The following TWIST2 variants were observed in gnomAD, a reference collection of about 807,000 sequenced individuals.
TWIST2 encodes the protein twist-related protein 2.
A neutral mutation model predicts 11.6 loss-of-function variants in TWIST2; 1 was observed. The observed-to-expected ratio is 0.09, with a 90% confidence interval of 0.03 to 0.41. The LOEUF (loss-of-function observed/expected upper bound fraction) is 0.41. Ranked by LOEUF, TWIST2 falls within the 10% of genes least tolerant of loss-of-function variation. The pLI is 0.98. For synonymous variants in TWIST2, 87 were observed against 96.6 expected, an observed-to-expected ratio of 0.90 and a Z score of 0.58; for missense variants, 168 against 226.4, an observed-to-expected ratio of 0.74 and a Z score of 1.66.
chr2:238,878,805 G>A (rs1355323727), intron 1 of TWIST2, among the ~76,000 whole-genome samples: 2 of 152,148 alleles, frequency 1.3e-5, no homozygotes, highest in African/African-American at 2.4e-5. Flanking sequence ...CCCAGCAGTG[G>A]GGGGTCCGTG....
chr2:238,853,382 GGAGAGAGAGAGAGA>G (rs374173009), intron 1 of TWIST2, among the ~76,000 whole-genome samples: 2 of 140,020 alleles, frequency 1.4e-5, no homozygotes, highest in African/African-American at 5.3e-5. Context: ...GAGGAGGGAG[GGAGAGAGAGAGAGA>G]GAGAGAGGGA....
At chr2:238,879,127 C>T (rs771862303) in intron 1 of TWIST2, among the ~76,000 whole-genome samples, 19 of 152,220 alleles carry the variant, frequency 1.2e-4, no homozygotes, top group Non-Finnish European at 2.5e-4. Context: ...GGACACACAG[C>T]CTTCCTGGCT....
intron 1 of TWIST2, among the ~76,000 whole-genome samples, chr2:238,870,589 C>A (rs1692661992): frequency 1.2e-5 from 1 of 82,844 alleles, no homozygotes; most frequent in African/African-American, 5.1e-5. Context: ...ACACACACAC[C>A]ACACACCCCA....
At chr2:238,899,957 CT>C (rs1217999557) in intron 1 of TWIST2, among the ~76,000 whole-genome samples, 1 of 149,380 alleles carries the variant, frequency 6.7e-6, no homozygotes, top group Non-Finnish European at 1.5e-5. Context: ...AAAATAAAGT[CT>C]TTACAAAGAA....
At position 238,909,832 on chromosome 2, in the gene TWIST2, T is replaced by C. The variant is rs1693423937; in HGVS notation, c.*36-10T>C. On this transcript the variant is annotated splice_polypyrimidine_tract_variant and intron_variant, in intron 1 of 1. Coordinates refer to ENST00000612363, the MANE Select transcript of TWIST2 (RefSeq NM_001271893.4). ...GCCGTAGCTCACGGTCCCCCTTCCGTATCTTCCAGGCTGTCCGTCGCGTCG... is the reference window on the plus strand; with the variant it reads ...GCCGTAGCTCACGGTCCCCCTTCCGCATCTTCCAGGCTGTCCGTCGCGTCG... 1.3e-5 allele frequency: 2 copies of C among 152,266 alleles called. No individual in the cohort carries two copies. Among genetic ancestry groups the C allele is most frequent in the African/African-American group, 4.8e-5 (2 of 41,456 alleles). 9.4% of individuals were successfully genotyped at this position (152,266 alleles called of 1,614,324 possible). A position where few individuals can be genotyped will look rare whatever the true frequency, so the allele number is the denominator to read the frequency against.
chr2:238,880,460 G>C (rs1692896812), intron 1 of TWIST2, among the ~76,000 whole-genome samples: 1 of 110,268 alleles, frequency 9.1e-6, no homozygotes, highest in Admixed American at 1.0e-4. Flanking sequence ...GTATTTATTA[G>C]TATTAGTTAC....
chr2:238,902,980 G>GTGTGATGTGGA (rs1449422562), intron 1 of TWIST2, among the ~76,000 whole-genome samples: 2 of 35,778 alleles, frequency 5.6e-5, no homozygotes, highest in Admixed American at 2.4e-4. Context: ...GTGTGATGTG[G>GTGTGATGTGGA]GTGTGTGATG....
chr2:238,884,713 G>T (rs1693000375), intron 1 of TWIST2, among the ~76,000 whole-genome samples: 1 of 152,186 alleles, frequency 6.6e-6, no homozygotes, highest in Non-Finnish European at 1.5e-5. Context: ...GCTGTCCCAC[G>T]GTCCAGCAGA....
In TWIST2 at chr2:238,899,952, A is replaced by T. The variant is rs1300605913; in HGVS notation, c.*36-9890A>T. ...GGAACCTGAAGTGCTCTAAAAAAAT[A>T]AAGTCTTTACAAAGAAAGAAAGAAA... On this transcript the variant is annotated intron_variant, in intron 1 of 1. Transcript: ENST00000612363. Among the ~76,000 whole-genome samples the T allele has an allele frequency of 2.6e-5, 4 of 151,798 alleles. No homozygotes were observed. In the South Asian group the frequency reaches 6.3e-4, roughly 24 times the overall value.
rs1394858645 is a variant in TWIST2, at chr2:238,864,449, A to C, written c.*35+15716A>C. On this transcript the variant is annotated intron_variant, in intron 1 of 1. Transcript: ENST00000612363. This position sits in a 1 kb window ranked among gnomAD's most constrained non-coding sequence, Gnocchi z 4.7. The stretch of plus-strand genomic sequence containing the variant: ...GTGGCTTTTTGTCCTCTGGCTGTGC[A>C]AATAAACAGAGCAGGAAGGTTTGAA... 6.6e-6 allele frequency among the ~76,000 whole-genome samples: 1 copy of C among 152,080 alleles called. No homozygotes were observed. Among genetic ancestry groups the C allele is most frequent in the Non-Finnish European group, 1.5e-5 (1 of 68,030 alleles).
chr2:238,848,282 G>C lies in TWIST2; in HGVS notation c.67G>C (p.Glu23Gln). 1 of 1,530,734 alleles carries C rather than the reference G, an allele frequency of 6.5e-7. No homozygotes were observed. Among genetic ancestry groups the C allele is most frequent in the Non-Finnish European group, 8.7e-7 (1 of 1,143,404 alleles). 94.8% of individuals were successfully genotyped at this position (1,530,734 alleles called of 1,614,324 possible). Residue 23 changes from glutamate (E) to glutamine (Q), a missense_variant, in exon 1 of 2, where the codon GAG (glutamate) becomes CAG (glutamine). Glu to Gln is a conservative substitution (Grantham distance 29). This residue lies in a region of TWIST2 where 83 missense variants were observed against 92.7 expected (regional missense o/e 0.90). Coordinates refer to ENST00000612363, the MANE Select transcript of TWIST2 (RefSeq NM_001271893.4). Reference protein sequence around the residue: ...DSLGTSEEELERQPKRFGRKR... With the variant: ...DSLGTSEEELQRQPKRFGRKR... ...CCTGGGCACCAGCGAGGAGGAGCTCGAGAGGCAGCCCAAGCGCTTCGGCCG... is the reference window on the plus strand; with the variant it reads ...CCTGGGCACCAGCGAGGAGGAGCTCCAGAGGCAGCCCAAGCGCTTCGGCCG...
chr2:238,909,296 CGT>C (rs1421203866), intron 1 of TWIST2, among the ~76,000 whole-genome samples: 1 of 151,596 alleles, frequency 6.6e-6, no homozygotes, highest in Non-Finnish European at 1.5e-5. Flanking sequence ...TGCAACTTCC[CGT>C]GTGTCTGCAA....
In TWIST2 at chr2:238,859,212, C is replaced by CAAA. The variant is rs544641770; in HGVS notation, c.*35+10494_*35+10496dup. Among the ~76,000 whole-genome samples the CAAA allele has an allele frequency of 1.3e-4, 18 of 139,610 alleles. No individual in the cohort carries two copies. The East Asian group carries it at 2.1e-3, about 16-fold the overall frequency. 91.6% of individuals were successfully genotyped at this position (139,610 alleles called of 152,430 possible). On this transcript the variant is annotated intron_variant, in intron 1 of 1. Transcript: ENST00000612363. ...AGGCAACAAGAGCGACACTCCGTCT[C>CAAA]AAAAAAAAAAAAAAAAAGTGTAATA...
At chr2:238,876,183 G>A (rs1038986105) in intron 1 of TWIST2, among the ~76,000 whole-genome samples, 26 of 152,202 alleles carry the variant, frequency 1.7e-4, no homozygotes, top group Non-Finnish European at 2.4e-4. Flanking sequence ...GTTCAGGAAC[G>A]GCTGAACCTC....
At chr2:238,870,458 C>G (rs1574754555) in intron 1 of TWIST2, among the ~76,000 whole-genome samples, 1 of 123,630 alleles carries the variant, frequency 8.1e-6, no homozygotes, top group African/African-American at 3.1e-5. Context: ...CCCACACACA[C>G]CACACACCCG....
At chr2:238,879,051 T>C (rs1021417479) in intron 1 of TWIST2, among the ~76,000 whole-genome samples, 1 of 152,248 alleles carries the variant, frequency 6.6e-6, no homozygotes, top group African/African-American at 2.4e-5. Context: ...ATGTATGCTT[T>C]ATACAGAGAA....
intron 1 of TWIST2, among the ~76,000 whole-genome samples, chr2:238,909,112 TATGTGGGGTGGG>T (rs1693409203): frequency 3.8e-4 from 15 of 39,664 alleles, no homozygotes; most frequent in Non-Finnish European, 6.8e-4. Context: ...GGTGTGTGTG[TATGTGGGGTGGG>T]GTGTGTTCGT....
intron 1 of TWIST2, among the ~76,000 whole-genome samples, chr2:238,898,226 T>A (rs1354228573): frequency 6.6e-6 from 1 of 152,210 alleles, no homozygotes; most frequent in Non-Finnish European, 1.5e-5. Flanking sequence ...TCTAACCAGC[T>A]GTGTGACATA....
chr2:238,883,821 T>C (rs1195885452), intron 1 of TWIST2, among the ~76,000 whole-genome samples: 1 of 152,114 alleles, frequency 6.6e-6, no homozygotes, highest in Non-Finnish European at 1.5e-5. Flanking sequence ...TTGTTGCTGG[T>C]TTCCCAGCTG....
Sources: gnomAD v4.1 joint callset for allele counts (sites outside exome capture counted in the v4.1 genomes callset) on GRCh38, gnomAD v4.1.1 for gene constraint, gnomAD v4.1.1 regional missense constraint, Gnocchi (gnomAD v3.1) non-coding constraint, MANE v1.5 for transcripts, NCBI Gene and HGNC (gene_info 2026-07-23, HGNC 2026-07-21) for gene names.